The following CCNT2 variants were observed in gnomAD, a reference collection of about 807,000 sequenced individuals.
CCNT2 encodes the protein cyclin T2, also known as cyclin-T2.
CCNT2 carries 18 observed loss-of-function variants against 70.0 expected under a neutral mutation model. The ratio of observed to expected loss-of-function variants is 0.26; its 90% CI spans 0.18 to 0.38. The LOEUF (loss-of-function observed/expected upper bound fraction) is 0.38. Ranked by LOEUF, CCNT2 falls within the 10% of genes least tolerant of loss-of-function variation. The pLI, the probability that CCNT2 is intolerant of heterozygous loss-of-function variation, is 1.00. For missense variants in CCNT2, 734 were observed against 890.2 expected (o/e 0.82, Z 2.23); for synonymous variants, 334 against 313.3 (o/e 1.07, Z -0.70).
chr2:134,942,002 G>C lies in CCNT2; in HGVS notation c.431-610G>C, dbSNP rs45538137. On this transcript the variant is annotated intron_variant, in intron 4 of 8. Transcript: ENST00000264157. ...CACTTTTAATAAAAACAGAAACCCT[G>C]CCACACCTAAGGGTTGATTGCACGT... Among the ~76,000 whole-genome samples, 1,229 of 152,106 alleles carry C rather than the reference G, an allele frequency of 8.1e-3. 12 individuals carry two copies. The highest frequency in any genetic ancestry group is 0.027 in the African/African-American group (1,113 of 41,470).
intron 8 of CCNT2, 31 bp downstream of exon 8, chr2:134,952,742 T>C (rs1682614403): frequency 6.6e-7 from 1 of 1,521,604 alleles, no homozygotes; most frequent in Non-Finnish European, 9.1e-7. Flanking sequence ...TAACAGAATT[T>C]CAGTCTTTTA....
At chr2:134,928,468 G>C (rs1378256871) in intron 2 of CCNT2, among the ~76,000 whole-genome samples, 2 of 151,602 alleles carry the variant, frequency 1.3e-5, no homozygotes, top group African/African-American at 4.8e-5. Context: ...AGTAGAGCCA[G>C]GTTTTCTCCA....
intron 2 of CCNT2, among the ~76,000 whole-genome samples, chr2:134,928,049 C>T (rs1171979021): frequency 1.3e-5 from 2 of 152,200 alleles, no homozygotes; most frequent in Non-Finnish European, 1.5e-5. Flanking sequence ...AAGGCTTGTG[C>T]TTAGTGACAA....
At chr2:134,944,243 G>A (rs1263969704) in intron 5 of CCNT2, 5 of 981,724 alleles carry the variant, frequency 5.1e-6, no homozygotes, top group Non-Finnish European at 6.0e-6. Context: ...AAGGAAAAAG[G>A]GTTAGTTTTT....
At chr2:134,953,166 G>A (rs1682654901) in intron 8 of CCNT2, 64 bp from the exon 9 acceptor site, 2 of 1,156,346 alleles carry the variant, frequency 1.7e-6, no homozygotes, top group South Asian at 1.6e-5. Context: ...ACTTTTATAA[G>A]ACAAGAAATT....
At chr2:134,948,951 A>T (rs939462502) in intron 7 of CCNT2, among the ~76,000 whole-genome samples, 1 of 151,862 alleles carries the variant, frequency 6.6e-6, no homozygotes, top group African/African-American at 2.4e-5. Flanking sequence ...CTCACCTCAG[A>T]TGATCTGCCC....
In CCNT2 at chr2:134,958,097, C is replaced by T. The variant is rs1164409513; in HGVS notation, c.*3449C>T. 2 of 152,064 alleles carry T rather than the reference C, an allele frequency of 1.3e-5. No homozygotes were observed. The highest frequency in any genetic ancestry group is 2.9e-5 in the Non-Finnish European group (2 of 68,000). 9.4% of individuals were successfully genotyped at this position (152,064 alleles called of 1,614,324 possible). On this transcript the variant is annotated 3_prime_UTR_variant, in exon 9 of 9. Coordinates refer to ENST00000264157, the MANE Select transcript of CCNT2 (RefSeq NM_058241.3). ...TCGTTAAGCAACCTTAGAAATAAAC[C>T]ACTGCTTATATCTGCATGAATATTA...
intron 2 of CCNT2, among the ~76,000 whole-genome samples, chr2:134,920,796 A>G (rs1373867622): frequency 6.6e-6 from 1 of 152,216 alleles, no homozygotes; most frequent in African/African-American, 2.4e-5. Context: ...GATAGTCATT[A>G]GGACTTATTT....
chr2:134,927,489 G>A lies in CCNT2; in HGVS notation c.240+7598G>A, dbSNP rs41457049. ...AACCCAGTCCTGCAAGATCCAAGGC[G>A]CTTTCAAACCATAACAAATTCTAAA... On this transcript the variant is annotated intron_variant, in intron 2 of 8. Coordinates refer to ENST00000264157, the MANE Select transcript of CCNT2 (RefSeq NM_058241.3). 6.6e-3 allele frequency among the ~76,000 whole-genome samples: 1,007 copies of A among 152,118 alleles called. 10 individuals carry two copies. The highest frequency in any genetic ancestry group is 0.018 in the African/African-American group (727 of 41,492).
Position 134,941,591 on chromosome 2 carries a change from T to C in CCNT2, c.431-1021T>C, listed in dbSNP as rs578159130. ...TTGAAGTTTCTATAAAATAAAAAGA[T>C]ACCAAAAAAGTGAGGGTCTTATTTC... On this transcript the variant is annotated intron_variant, in intron 4 of 8. Coordinates refer to ENST00000264157, the MANE Select transcript of CCNT2 (RefSeq NM_058241.3). Among the ~76,000 whole-genome samples the C allele has an allele frequency of 1.2e-4, 18 of 152,212 alleles. 1 individual carries two copies. In the East Asian group the frequency reaches 3.1e-3, roughly 26 times the overall value.
chr2:134,931,110 C>G (rs932019471), intron 2 of CCNT2, among the ~76,000 whole-genome samples: 4 of 151,674 alleles, frequency 2.6e-5, no homozygotes, highest in Admixed American at 2.6e-4. Context: ...CTACAGGTGC[C>G]TGCCGCCACG....
intron 7 of CCNT2, among the ~76,000 whole-genome samples, chr2:134,950,949 G>T (rs1682454631): frequency 6.6e-6 from 1 of 152,148 alleles, no homozygotes; most frequent in African/African-American, 2.4e-5. Flanking sequence ...AGAACTTGAA[G>T]TGTATTTAAT....
intron 5 of CCNT2, chr2:134,945,740 G>A (rs1681911018): frequency 2.3e-6 from 3 of 1,297,104 alleles, no homozygotes; most frequent in Non-Finnish European, 3.0e-6. Flanking sequence ...TTTTGTATTA[G>A]ACTTCAAAAT....
chr2:134,948,564 G>T (rs1169537122), intron 7 of CCNT2, among the ~76,000 whole-genome samples: 2 of 152,140 alleles, frequency 1.3e-5, no homozygotes, highest in Non-Finnish European at 2.9e-5. Flanking sequence ...AATTGTGGGT[G>T]TGTGTTCTGT....
intron 2 of CCNT2, among the ~76,000 whole-genome samples, chr2:134,922,043 A>G (rs967421257): frequency 2.6e-5 from 4 of 152,120 alleles, no homozygotes; most frequent in Non-Finnish European, 4.4e-5. Flanking sequence ...GCACCGCCTC[A>G]CTTTTATCTT....
chr2:134,944,505 G>C, intron 5 of CCNT2: 1 of 964,564 alleles, frequency 1.0e-6, no homozygotes, highest in Non-Finnish European at 1.2e-6. Flanking sequence ...AAATTCTAGA[G>C]ACATGAAGTC....
At chr2:134,939,472 T>G (rs1681407520) in intron 4 of CCNT2, among the ~76,000 whole-genome samples, 1 of 151,982 alleles carries the variant, frequency 6.6e-6, no homozygotes, top group Admixed American at 6.6e-5. Context: ...ATTTATTTAT[T>G]TATTTATTTT....
Position 134,956,324 on chromosome 2 carries a change from T to C in CCNT2, c.*1676T>C, listed in dbSNP as rs1050272307. 3 of 152,654 alleles carry C rather than the reference T, an allele frequency of 2.0e-5. No individual in the cohort carries two copies. The highest frequency in any genetic ancestry group is 2.0e-4 in the Admixed American group (3 of 15,280). 9.5% of individuals were successfully genotyped at this position (152,654 alleles called of 1,614,324 possible). A position where few individuals can be genotyped will look rare whatever the true frequency, so the allele number is the denominator to read the frequency against. On this transcript the variant is annotated 3_prime_UTR_variant, in exon 9 of 9. Transcript: ENST00000264157. Reference sequence around the variant, plus strand: ...TTTTAAAGATAATTGTTCATTATTTTGTCAATGTTATTTGAACTTGGGGTA... The same window carrying C: ...TTTTAAAGATAATTGTTCATTATTTCGTCAATGTTATTTGAACTTGGGGTA...
Position 134,953,397 on chromosome 2 carries a change from T to A in CCNT2, c.942T>A (p.Pro314=). 6.2e-7 allele frequency: 1 copy of A among 1,603,292 alleles called. No individual in the cohort carries two copies. Among genetic ancestry groups the A allele is most frequent in the Non-Finnish European group, 8.5e-7 (1 of 1,174,348 alleles). Reference sequence around the variant, plus strand: ...CATCAGCATTCCCTGCGCCAGTACCTCTAAATTCAGGAAATATTTCTGTTC... The same window carrying A: ...CATCAGCATTCCCTGCGCCAGTACCACTAAATTCAGGAAATATTTCTGTTC... The part of the protein sequence containing the change: ...PSTSAFPAPV[P]LNSGNISVQD... Residue 314 remains proline, a synonymous_variant, in exon 9 of 9, where the codon CCT becomes CCA. Coordinates refer to ENST00000264157, the MANE Select transcript of CCNT2 (RefSeq NM_058241.3).
Sources: gnomAD v4.1 joint callset for allele counts (sites outside exome capture counted in the v4.1 genomes callset) on GRCh38, gnomAD v4.1.1 for gene constraint, MANE v1.5 for transcripts, NCBI Gene and HGNC (gene_info 2026-07-23, HGNC 2026-07-21) for gene names.